The following RNF216 variants were observed in gnomAD, a reference collection of about 807,000 sequenced individuals.
The protein encoded by RNF216 is E3 ubiquitin-protein ligase RNF216.
In RNF216, 72 loss-of-function variants were observed where a neutral mutation model predicts 110.8. The observed-to-expected ratio is 0.65, with a 90% CI of 0.54 to 0.79. RNF216 has a LOEUF of 0.79. RNF216 is among the 30% of genes least tolerant of loss of function. RNF216 has a pLI of 0.00. For synonymous variants in RNF216, 495 were observed against 407.5 expected, an observed-to-expected ratio of 1.21 and a Z score of -2.59; for missense variants, 1,342 against 1,141.2, an observed-to-expected ratio of 1.18 and a Z score of -2.54.
Position 5,634,085 on chromosome 7 carries a change from C to A in RNF216, c.2382+7069G>T, listed in dbSNP as rs750313790. ...ACTGTTCCCAAAATAACCATTTGAGCGCTTGGCACAAAACTATTTTTGCCA... is the reference window on the plus strand; with the variant it reads ...ACTGTTCCCAAAATAACCATTTGAGAGCTTGGCACAAAACTATTTTTGCCA... On this transcript the variant is annotated intron_variant, in intron 15 of 16. Transcript: ENST00000389902. Among the ~76,000 whole-genome samples the A allele has an allele frequency of 6.5e-4, 99 of 152,366 alleles. 2 individuals carry two copies. The highest frequency in any genetic ancestry group is 6.2e-4 in the South Asian group (3 of 4,830).
At chr7:5,636,714 A>T (rs1426114651) in intron 15 of RNF216, among the ~76,000 whole-genome samples, 1 of 152,226 alleles carries the variant, frequency 6.6e-6, no homozygotes, top group African/African-American at 2.4e-5. Context: ...GGACAAACGG[A>T]ACAGAATCTC....
At chr7:5,679,388 C>T (rs565712762) in intron 13 of RNF216, among the ~76,000 whole-genome samples, 188 of 152,336 alleles carry the variant, frequency 1.2e-3, no homozygotes, top group African/African-American at 4.4e-3. Context: ...AAGCTGTGGT[C>T]CGGCCAGCCT....
intron 1 of RNF216, among the ~76,000 whole-genome samples, chr7:5,776,926 GA>G (rs1303212641): frequency 7.2e-6 from 1 of 139,748 alleles, no homozygotes; most frequent in African/African-American, 2.6e-5. Flanking sequence ...AAGAGAGAGA[GA>G]AAAAGAGAGA....
intron 13 of RNF216, among the ~76,000 whole-genome samples, chr7:5,683,520 T>C (rs566723509): frequency 2.6e-4 from 40 of 152,264 alleles, no homozygotes; most frequent in Admixed American, 1.4e-3. Context: ...CACAGGCACA[T>C]AGCATCATGA....
intron 15 of RNF216, among the ~76,000 whole-genome samples, chr7:5,639,634 T>C (rs1165588160): frequency 1.3e-5 from 2 of 151,874 alleles, no homozygotes; most frequent in Non-Finnish European, 2.9e-5. Context: ...CTAATATTTA[T>C]ATTTTTATTA....
intron 13 of RNF216, among the ~76,000 whole-genome samples, chr7:5,693,122 T>G (rs1368856966): frequency 1.3e-5 from 2 of 152,230 alleles, no homozygotes; most frequent in East Asian, 3.8e-4. Flanking sequence ...ATGCTACGGG[T>G]TGGCAAACTA....
chr7:5,637,958 G>A (rs975636980), intron 15 of RNF216, among the ~76,000 whole-genome samples: 2 of 152,220 alleles, frequency 1.3e-5, no homozygotes, highest in Non-Finnish European at 2.9e-5. Flanking sequence ...TGATTCTTGT[G>A]CCTCAGGCTC....
intron 15 of RNF216, among the ~76,000 whole-genome samples, chr7:5,637,551 C>G (rs531414828): frequency 1.5e-4 from 23 of 152,300 alleles, no homozygotes; most frequent in African/African-American, 5.5e-4. Flanking sequence ...TTATACATTT[C>G]TTTCCCTTTT....
chr7:5,649,295 G>C (rs1024936028), intron 14 of RNF216, among the ~76,000 whole-genome samples: 3 of 152,070 alleles, frequency 2.0e-5, no homozygotes, highest in African/African-American at 7.2e-5. Flanking sequence ...GGGAGGCTGA[G>C]GCAGTAGAGT....
At chr7:5,722,218 C>A (rs1181248802) in intron 8 of RNF216, among the ~76,000 whole-genome samples, 1 of 152,208 alleles carries the variant, frequency 6.6e-6, no homozygotes, top group African/African-American at 2.4e-5. Flanking sequence ...GCCACAACGC[C>A]TGGCCAATTT....
intron 1 of RNF216, chr7:5,775,075 T>C (rs959111881): frequency 3.3e-5 from 5 of 152,178 alleles, no homozygotes; most frequent in Non-Finnish European, 5.9e-5. Flanking sequence ...GTATTTCCAA[T>C]GCCTAGCACA....
At chr7:5,740,104 CTTTTTTTTTTTTT>C (rs71004698) in intron 4 of RNF216, among the ~76,000 whole-genome samples, 117 of 118,396 alleles carry the variant, frequency 9.9e-4, no homozygotes, top group African/African-American at 3.7e-3. Flanking sequence ...GATGTAACAC[CTTTTTTTTTTTTT>C]TTTTTTTTTT....
At chr7:5,753,304 A>G (rs1336176450) in intron 2 of RNF216, among the ~76,000 whole-genome samples, 1 of 152,202 alleles carries the variant, frequency 6.6e-6, no homozygotes, top group Non-Finnish European at 1.5e-5. Context: ...TGGTCTCCCA[A>G]TCCATCTCTA....
intron 2 of RNF216, among the ~76,000 whole-genome samples, chr7:5,756,183 C>T (rs1795632719): frequency 6.6e-6 from 1 of 152,192 alleles, no homozygotes. Context: ...CTCACTCCAT[C>T]CTGCCTCCTG....
chr7:5,759,467 A>C (rs965905027), intron 2 of RNF216, among the ~76,000 whole-genome samples: 1 of 152,094 alleles, frequency 6.6e-6, no homozygotes, highest in Non-Finnish European at 1.5e-5. Flanking sequence ...TCTCTTCCTT[A>C]TGATTTTCTT....
intron 1 of RNF216, among the ~76,000 whole-genome samples, chr7:5,773,803 G>A (rs895901262): frequency 6.6e-6 from 1 of 152,148 alleles, no homozygotes; most frequent in Non-Finnish European, 1.5e-5. Context: ...CCTGACTTCA[G>A]TGATCTGCCT....
At position 5,729,587 on chromosome 7, in the gene RNF216, T is replaced by C. The variant is rs1793966423; in HGVS notation, c.1234A>G (p.Ile412Val). ...ASQDETKLPKIDFFDYSKLTP... is the reference protein window; with the variant it reads ...ASQDETKLPKVDFFDYSKLTP... ...AATTTAGAATAGTCAAAAAAGTCTA[T>C]TTTAGGCAACTGAAATGAGAGAGAA... is the stretch of plus-strand genomic sequence containing the variant. The change falls in exon 7 of 17, where the codon ATA becomes GTA. Residue 412 changes from isoleucine (I) to valine (V), a missense_variant. Coordinates refer to ENST00000389902, the MANE Select transcript of RNF216 (RefSeq NM_207111.4). The C allele has an allele frequency of 6.2e-7, 1 of 1,613,884 alleles. No homozygotes were observed. The highest frequency in any genetic ancestry group is 2.2e-5 in the East Asian group (1 of 44,886).
chr7:5,646,809 C>A (rs904003538), intron 14 of RNF216, among the ~76,000 whole-genome samples: 1 of 151,786 alleles, frequency 6.6e-6, no homozygotes, highest in African/African-American at 2.4e-5. Flanking sequence ...AATGAAAGAA[C>A]CAATCCTCCC....
At chr7:5,775,303 T>G (rs2128684268) in intron 1 of RNF216, 1 of 152,198 alleles carries the variant, frequency 6.6e-6, no homozygotes, top group African/African-American at 2.4e-5. Flanking sequence ...AATTTTCTGG[T>G]TTTCAAAATC....
Sources: gnomAD v4.1 joint callset for allele counts (sites outside exome capture counted in the v4.1 genomes callset) on GRCh38, gnomAD v4.1.1 for gene constraint, MANE v1.5 for transcripts, NCBI Gene and HGNC (gene_info 2026-07-23, HGNC 2026-07-21) for gene names.